Variants in CARS2 observed in about 807,000 individuals in gnomAD.
CARS2 encodes probable cysteine--tRNA ligase, mitochondrial.
A neutral mutation model predicts 68.8 loss-of-function variants in CARS2; 52 were observed. The ratio of observed to expected loss-of-function variants is 0.76; its 90% CI spans 0.61 to 0.95. CARS2 has a LOEUF of 0.95. Ranked by LOEUF, CARS2 falls within the 40% of genes least tolerant of loss-of-function variation. The pLI, the probability that CARS2 is intolerant of heterozygous loss-of-function variation, is 0.00. For synonymous variants in CARS2, 314 were observed against 303.6 expected (o/e 1.03, Z -0.36); for missense variants, 780 against 754.2 (o/e 1.03, Z -0.40).
At chr13:110,645,636 TC>T in intron 12 of CARS2, 1 of 229,528 alleles carries the variant, frequency 4.4e-6, no homozygotes, top group East Asian at 1.0e-4. Flanking sequence ...CTTAAAAAGT[TC>T]CCCACAAAAG....
Position 110,653,975 on chromosome 13 carries a change from G to GT in CARS2, c.988-2876dup, listed in dbSNP as rs373405245. ...AGAGGCAAAATGTGGCGACGGCAGT[G>GT]TAAGCTCGTGCTGGAACTCTCCAGG... On this transcript the variant is annotated intron_variant, in intron 9 of 14. Coordinates refer to ENST00000257347, the MANE Select transcript of CARS2 (RefSeq NM_024537.4). The surrounding 1 kb of genome is among the most constrained non-coding windows in gnomAD (Gnocchi z 5.6). Among the ~76,000 whole-genome samples, 39 of 152,334 alleles carry GT rather than the reference G, an allele frequency of 2.6e-4. No homozygotes were observed. The East Asian group carries it at 7.3e-3, about 29-fold the overall frequency.
chr13:110,658,860 T>A (rs1282612820), intron 9 of CARS2, among the ~76,000 whole-genome samples: 1 of 151,728 alleles, frequency 6.6e-6, no homozygotes, highest in East Asian at 1.9e-4. Context: ...ACCTGGGAGG[T>A]GGAGGTTGCA....
At chr13:110,644,025 A>C in intron 13 of CARS2, 3 of 1,106,560 alleles carry the variant, frequency 2.7e-6, no homozygotes, top group Non-Finnish European at 2.4e-6. Context: ...TCAGGTCGCC[A>C]ACTTGCCCTC....
At chr13:110,689,078 C>T (rs1232249996) in intron 3 of CARS2, among the ~76,000 whole-genome samples, 1 of 152,206 alleles carries the variant, frequency 6.6e-6, no homozygotes, top group South Asian at 2.1e-4. Context: ...AATGTGGGGG[C>T]CTTGGGGGCA....
At chr13:110,675,636 A>G (rs2062925686) in intron 7 of CARS2, among the ~76,000 whole-genome samples, 1 of 152,164 alleles carries the variant, frequency 6.6e-6, no homozygotes, top group Non-Finnish European at 1.5e-5. Flanking sequence ...CAGCACACCA[A>G]CATGGCACAT....
upstream of CARS2, among the ~76,000 whole-genome samples, chr13:110,710,237 T>C (rs559860098): frequency 3.3e-5 from 5 of 152,094 alleles, no homozygotes; most frequent in Admixed American, 1.3e-4. Flanking sequence ...CAAAAATTAG[T>C]TGGGCATGGC....
At chr13:110,663,675 G>A (rs1480730597) in intron 8 of CARS2, 157 bp from the exon 9 acceptor site, 3 of 1,405,146 alleles carry the variant, frequency 2.1e-6, no homozygotes, top group South Asian at 1.6e-5. Flanking sequence ...CTTCACCCGT[G>A]CTGGGCCTTC....
At chr13:110,686,701 C>T (rs146316220) in intron 5 of CARS2, among the ~76,000 whole-genome samples, 10 of 151,166 alleles carry the variant, frequency 6.6e-5, no homozygotes, top group African/African-American at 1.2e-4. Flanking sequence ...GGACCACAGG[C>T]GCGCGATACC....
chr13:110,651,411 A>C (rs1333200975), intron 9 of CARS2, among the ~76,000 whole-genome samples: 2 of 152,196 alleles, frequency 1.3e-5, no homozygotes, highest in Non-Finnish European at 1.5e-5. Flanking sequence ...CTCTTTCTGC[A>C]CGACAGGGAC....
At chr13:110,666,748 TTATC>T (rs2062659332) in intron 8 of CARS2, 11 of 985,304 alleles carry the variant, frequency 1.1e-5, no homozygotes, top group Non-Finnish European at 1.3e-5. Context: ...CAAACACTCT[TTATC>T]TTTCTTCATC....
At chr13:110,659,685 A>G (rs2062455366) in intron 9 of CARS2, among the ~76,000 whole-genome samples, 2 of 152,232 alleles carry the variant, frequency 1.3e-5, no homozygotes, top group African/African-American at 4.8e-5. Context: ...ATATAATAGC[A>G]TTATGTCTGA....
At chr13:110,664,620 C>G (rs2139753605) in intron 8 of CARS2, 3 of 981,768 alleles carry the variant, frequency 3.1e-6, no homozygotes, top group Non-Finnish European at 3.6e-6. Flanking sequence ...GTGATTACAC[C>G]AAGCACGATT....
intron 9 of CARS2, among the ~76,000 whole-genome samples, chr13:110,654,665 C>T (rs886803799): frequency 2.6e-5 from 4 of 151,692 alleles, no homozygotes; most frequent in African/African-American, 9.7e-5. Flanking sequence ...CACCTGTAAT[C>T]CCAGCGCTTT....
chr13:110,651,151 A>C (rs376541901), intron 9 of CARS2, 51 bp from the exon 10 acceptor site: 10 of 1,267,534 alleles, frequency 7.9e-6, no homozygotes, highest in Non-Finnish European at 1.2e-5. Flanking sequence ...TACGCTTCGC[A>C]CTGTTCAGAG....
chr13:110,701,699 A>C, intron 2 of CARS2, 144 bp from the exon 3 acceptor site: 2 of 563,556 alleles, frequency 3.5e-6, no homozygotes, highest in Non-Finnish European at 3.2e-6. Context: ...GTACAAGGAA[A>C]CTCCCTCTCA....
At position 110,646,060 on chromosome 13, in the gene CARS2, C is replaced by T. The variant is rs193086198; in HGVS notation, c.1224G>A (p.Ala408=). 1.9e-5 allele frequency: 30 copies of T among 1,613,830 alleles called. No individual in the cohort carries two copies. Among genetic ancestry groups the T allele is most frequent in the East Asian group, 1.6e-4 (7 of 44,830 alleles). Residue 408 remains alanine, a synonymous_variant, in exon 12 of 15, where the codon GCG becomes GCA. Coordinates refer to ENST00000257347, the MANE Select transcript of CARS2 (RefSeq NM_024537.4). ...GTGTGTCAAAATCATCTGCCAAGGC[C>T]GCCTTCACGGCCCTCTTGGTGCTGG... ...RLSSTKRAVK[A]ALADDFDTPR...
chr13:110,645,146 C>T (rs1887926959), intron 12 of CARS2: 1 of 152,614 alleles, frequency 6.6e-6, no homozygotes, highest in Admixed American at 6.5e-5. Flanking sequence ...GCGGGGCAGC[C>T]TGTTCCTGCA....
At chr13:110,651,306 T>G (rs1376343856) in intron 9 of CARS2, 2 of 540,956 alleles carry the variant, frequency 3.7e-6, no homozygotes. Flanking sequence ...GATCTCAGTA[T>G]TTGTGGAAAG....
chr13:110,704,585 G>A (rs1051777139), intron 2 of CARS2, among the ~76,000 whole-genome samples: 1 of 152,078 alleles, frequency 6.6e-6, no homozygotes, highest in African/African-American at 2.4e-5. Context: ...TTAGCCGGGC[G>A]TGGTGGTACA....
Sources: allele counts gnomAD v4.1 joint callset (sites outside exome capture counted in the v4.1 genomes callset), GRCh38; gene constraint gnomAD v4.1.1; non-coding constraint Gnocchi (gnomAD v3.1); transcripts MANE v1.5; gene names NCBI Gene and HGNC (gene_info 2026-07-23, HGNC 2026-07-21).